GNAT3: variants seen among roughly 807,000 people sequenced by gnomAD.
The protein encoded by GNAT3 is G protein subunit alpha transducin 3, also known as guanine nucleotide-binding protein G(t) subunit alpha-3.
In GNAT3, 31 loss-of-function variants were observed where a neutral mutation model predicts 37.7. The ratio of observed to expected loss-of-function variants is 0.82; its 90% CI spans 0.62 to 1.11. The LOEUF is 1.11. GNAT3 is among the 50% of genes most tolerant of loss of function. The pLI is 0.00. For missense variants in GNAT3, 437 were observed against 412.5 expected (o/e 1.06, Z -0.51); for synonymous variants, 138 against 139.8 (o/e 0.99, Z 0.09).
intron 6 of GNAT3, 69 bp downstream of exon 6, chr7:80,462,433 A>G: frequency 6.4e-7 from 1 of 1,574,238 alleles, no homozygotes; most frequent in South Asian, 1.1e-5. Context: ...GAGTTGGGCA[A>G]TGTGGTAGTA....
chr7:80,470,978 C>T (rs967493661), intron 5 of GNAT3, among the ~76,000 whole-genome samples: 2 of 150,130 alleles, frequency 1.3e-5, no homozygotes, highest in African/African-American at 4.9e-5. Context: ...CTGGGAAAGG[C>T]AGACCCACCC....
chr7:80,482,567 G>A (rs545478049), intron 3 of GNAT3, among the ~76,000 whole-genome samples: 152 of 151,408 alleles, frequency 1.0e-3, no homozygotes, highest in African/African-American at 3.6e-3. Context: ...AGGCTGGAGT[G>A]CAGTGGCACA....
At chr7:80,510,406 C>T (rs536094878) in intron 1 of GNAT3, among the ~76,000 whole-genome samples, 11 of 152,184 alleles carry the variant, frequency 7.2e-5, no homozygotes, top group South Asian at 2.1e-4. Context: ...TATTTAAACA[C>T]GGAAATTTTT....
chr7:80,492,577 C>G (rs1790615023), intron 2 of GNAT3, among the ~76,000 whole-genome samples: 1 of 151,616 alleles, frequency 6.6e-6, no homozygotes, highest in African/African-American at 2.4e-5. Flanking sequence ...GCACTTTATT[C>G]TATCCCATAT....
intron 3 of GNAT3, 95 bp downstream of exon 3, chr7:80,488,440 G>A (rs1429321041): frequency 1.2e-6 from 1 of 846,630 alleles, no homozygotes; most frequent in Non-Finnish European, 1.7e-6. Context: ...TTTAAATTTT[G>A]GATATAGATT....
At chr7:80,491,579 ATAGT>A (rs1318393849) in intron 2 of GNAT3, among the ~76,000 whole-genome samples, 2 of 152,164 alleles carry the variant, frequency 1.3e-5, no homozygotes, top group African/African-American at 4.8e-5. Context: ...AATAAAGGAG[ATAGT>A]TAGACGAACC....
intron 5 of GNAT3, among the ~76,000 whole-genome samples, chr7:80,463,744 CA>C (rs1231893299): frequency 2.6e-5 from 4 of 151,358 alleles, no homozygotes; most frequent in Admixed American, 2.0e-4. Context: ...AACAGGCATG[CA>C]AAAAATATTT....
chr7:80,510,513 A>C lies in GNAT3; in HGVS notation c.118+1296T>G, dbSNP rs147761069. Among the ~76,000 whole-genome samples, 556 of 152,228 alleles carry C rather than the reference A, an allele frequency of 3.7e-3. 4 individuals carry two copies. Among genetic ancestry groups the C allele is most frequent in the African/African-American group, 0.012 (518 of 41,564 alleles). ...TGCTTGTCTTTCCCTTTTACCTTTC[A>C]TTTGCTTTTCCTGTGTCCATATTAC... On this transcript the variant is annotated intron_variant, in intron 1 of 7. Coordinates refer to ENST00000398291, the MANE Select transcript of GNAT3 (RefSeq NM_001102386.3).
rs1019578605 is a variant in GNAT3, at chr7:80,488,430, T to G, written c.303+105A>C. On this transcript the variant is annotated intron_variant, in intron 3 of 7. Coordinates refer to ENST00000398291, the MANE Select transcript of GNAT3 (RefSeq NM_001102386.3). ...TGTTTCAAAATTCATGTTTCATATT[T>G]TTAAATTTTGGATATAGATTAATAC... 2.2e-5 allele frequency: 18 copies of G among 827,112 alleles called. No homozygotes were observed. In the African/African-American group the frequency reaches 2.6e-4, roughly 12 times the overall value. 51.2% of individuals were successfully genotyped at this position (827,112 alleles called of 1,614,324 possible).
intron 3 of GNAT3, among the ~76,000 whole-genome samples, chr7:80,483,660 T>C (rs1206767396): frequency 6.6e-6 from 1 of 151,874 alleles, no homozygotes; most frequent in Non-Finnish European, 1.5e-5. Flanking sequence ...AGACTCAAGA[T>C]GCACTGAACA....
chr7:80,499,169 T>A (rs763305372), intron 1 of GNAT3, among the ~76,000 whole-genome samples: 1 of 152,176 alleles, frequency 6.6e-6, no homozygotes, highest in Non-Finnish European at 1.5e-5. Flanking sequence ...CTCTTCAGTC[T>A]ATGCGTGAGA....
intron 3 of GNAT3, 81 bp downstream of exon 3, chr7:80,488,454 A>G: frequency 1.8e-6 from 2 of 1,087,034 alleles, no homozygotes; most frequent in Non-Finnish European, 2.7e-6. Flanking sequence ...ATAGATTAAT[A>G]CTATGAACTT....
intron 1 of GNAT3, among the ~76,000 whole-genome samples, chr7:80,505,273 A>G (rs1167051340): frequency 6.6e-6 from 1 of 152,214 alleles, no homozygotes; most frequent in East Asian, 1.9e-4. Context: ...GTTTAAAAGG[A>G]AGTAGATTAA....
intron 2 of GNAT3, among the ~76,000 whole-genome samples, chr7:80,493,671 T>G (rs1341492701): frequency 2.1e-5 from 2 of 94,564 alleles, no homozygotes; most frequent in African/African-American, 5.8e-5. Context: ...CCTCCTCCTC[T>G]TTCCTCCTCC....
chr7:80,499,338 A>G (rs1324125691), intron 1 of GNAT3, among the ~76,000 whole-genome samples: 1 of 152,166 alleles, frequency 6.6e-6, no homozygotes, highest in Non-Finnish European at 1.5e-5. Context: ...CACTTTAGAA[A>G]TTATTTTAAA....
At chr7:80,493,198 A>G (rs1790626950) in intron 2 of GNAT3, among the ~76,000 whole-genome samples, 1 of 152,234 alleles carries the variant, frequency 6.6e-6, no homozygotes, top group African/African-American at 2.4e-5. Flanking sequence ...GAATGGAGAA[A>G]TGAAAAAAGA....
chr7:80,460,380 A>G (rs1424566968), intron 7 of GNAT3, among the ~76,000 whole-genome samples: 4 of 152,192 alleles, frequency 2.6e-5, no homozygotes, highest in Non-Finnish European at 5.9e-5. Flanking sequence ...TGTTCTGTAT[A>G]ACACTGTAAT....
At position 80,505,512 on chromosome 7, in the gene GNAT3, G is replaced by A. The variant is rs928286053; in HGVS notation, c.118+6297C>T. 2.6e-5 allele frequency among the ~76,000 whole-genome samples: 4 copies of A among 152,094 alleles called. No homozygotes were observed. In the East Asian group the frequency reaches 7.8e-4, roughly 30 times the overall value. ...CTCCCGAGTAGCTGGGACTACAGGCGCCCGCCAACACGCCCGGCTAACTTT... is the reference window on the plus strand; with the variant it reads ...CTCCCGAGTAGCTGGGACTACAGGCACCCGCCAACACGCCCGGCTAACTTT... On this transcript the variant is annotated intron_variant, in intron 1 of 7. Coordinates refer to ENST00000398291, the MANE Select transcript of GNAT3 (RefSeq NM_001102386.3).
chr7:80,474,608 A>G (rs896175792), intron 4 of GNAT3, among the ~76,000 whole-genome samples: 5 of 152,162 alleles, frequency 3.3e-5, no homozygotes, highest in Non-Finnish European at 7.3e-5. Context: ...TCGAATTAAA[A>G]GTTTGGTAGC....
Sources: gnomAD v4.1 joint callset for allele counts (sites outside exome capture counted in the v4.1 genomes callset) on GRCh38, gnomAD v4.1.1 for gene constraint, MANE v1.5 for transcripts, NCBI Gene and HGNC (gene_info 2026-07-23, HGNC 2026-07-21) for gene names.